DKK2: variants seen among roughly 807,000 people sequenced by gnomAD.
DKK2 encodes the protein dickkopf-related protein 2.
In DKK2, 11 loss-of-function variants were observed where a neutral mutation model predicts 28.1. The ratio of observed to expected loss-of-function variants is 0.39; its 90% CI spans 0.25 to 0.65. DKK2 has a LOEUF of 0.65. Among genes scored for constraint, DKK2 ranks in the 30% least tolerant of loss-of-function variants. The pLI is 0.47. For missense variants in DKK2, 326 were observed against 335.5 expected, an observed-to-expected ratio of 0.97 and a Z score of 0.22; for synonymous variants, 135 against 126.5, an observed-to-expected ratio of 1.07 and a Z score of -0.45.
In DKK2 at chr4:107,005,265, C is replaced by T. The variant is rs183057640; in HGVS notation, c.222+30105G>A. On this transcript the variant is annotated intron_variant, in intron 1 of 3. Coordinates refer to ENST00000285311, the MANE Select transcript of DKK2 (RefSeq NM_014421.3). ...CTGAGGCAGGAGCAAGGCGTGAACCCGGGAGGCGGAGCTTGCAGTGAGCCA... is the reference window on the plus strand; with the variant it reads ...CTGAGGCAGGAGCAAGGCGTGAACCTGGGAGGCGGAGCTTGCAGTGAGCCA... Among the ~76,000 whole-genome samples the T allele has an allele frequency of 2.3e-3, 319 of 141,406 alleles. 2 individuals are homozygous for T. The highest frequency in any genetic ancestry group is 8.0e-3 in the African/African-American group (309 of 38,574). 92.8% of individuals were successfully genotyped at this position (141,406 alleles called of 152,430 possible).
intron 1 of DKK2, among the ~76,000 whole-genome samples, chr4:106,992,212 A>G (rs1723215560): frequency 6.6e-6 from 1 of 152,188 alleles, no homozygotes; most frequent in African/African-American, 2.4e-5. Context: ...TAGATGAAAG[A>G]TGTTCATTAG....
Position 106,924,195 on chromosome 4 carries a change from C to T in DKK2, c.539G>A (p.Gly180Glu). 6.2e-7 allele frequency: 1 copy of T among 1,613,848 alleles called. No homozygotes were observed. ...TKMSHIKGHE[G>E]DPCLRSSDCI... The stretch of plus-strand genomic sequence containing the variant: ...GTCTGATGATCGTAGGCAGGGGTCT[C>T]CTTCATGCCCTGCAGAGATGATGAC... The change falls in exon 4 of 4, where the codon GGA becomes GAA. Residue 180 changes from glycine to glutamate, a missense_variant. Physicochemically the swap from Gly to Glu is moderately conservative, Grantham distance 98. Transcript: ENST00000285311.
At chr4:106,966,335 T>C (rs1349305427) in intron 1 of DKK2, among the ~76,000 whole-genome samples, 1 of 152,190 alleles carries the variant, frequency 6.6e-6, no homozygotes, top group African/African-American at 2.4e-5. Context: ...TTTTTTGCTT[T>C]GGAATCAGAC....
intron 1 of DKK2, among the ~76,000 whole-genome samples, chr4:107,033,246 T>A (rs1436105909): frequency 2.0e-5 from 3 of 152,156 alleles, no homozygotes; most frequent in Admixed American, 1.3e-4. Flanking sequence ...GGATTCCAGT[T>A]AAGTAAATAT....
intron 1 of DKK2, among the ~76,000 whole-genome samples, chr4:107,014,376 T>C (rs1168163570): frequency 6.6e-6 from 1 of 151,440 alleles, no homozygotes; most frequent in Non-Finnish European, 1.5e-5. Flanking sequence ...TTAAGTATAA[T>C]AAGCCATGAA....
intron 1 of DKK2, among the ~76,000 whole-genome samples, chr4:107,007,529 A>G (rs942063837): frequency 2.0e-5 from 3 of 152,204 alleles, no homozygotes; most frequent in African/African-American, 7.2e-5. Context: ...TTTGAAAAGA[A>G]AGCAAATATT....
At chr4:107,015,083 T>C (rs1723575332) in intron 1 of DKK2, among the ~76,000 whole-genome samples, 1 of 151,540 alleles carries the variant, frequency 6.6e-6, no homozygotes, top group Non-Finnish European at 1.5e-5. Flanking sequence ...TTTCTGTGGG[T>C]TATATTCTTA....
intron 1 of DKK2, among the ~76,000 whole-genome samples, chr4:106,997,055 A>G (rs1267565969): frequency 1.3e-5 from 2 of 152,300 alleles, no homozygotes; most frequent in Admixed American, 6.5e-5. Context: ...AGAGTTCTAT[A>G]ACTTAAAATA....
At chr4:106,981,817 A>G (rs1723029818) in intron 1 of DKK2, among the ~76,000 whole-genome samples, 1 of 151,956 alleles carries the variant, frequency 6.6e-6, no homozygotes, top group African/African-American at 2.4e-5. Flanking sequence ...TTTATTTATC[A>G]TTCACCCTAT....
At chr4:107,024,856 C>T (rs769412635) in intron 1 of DKK2, among the ~76,000 whole-genome samples, 1 of 152,192 alleles carries the variant, frequency 6.6e-6, no homozygotes, top group Non-Finnish European at 1.5e-5. Context: ...CTTTCAGGCT[C>T]ACCCGCTGTC....
chr4:107,018,899 C>T (rs1723651358), intron 1 of DKK2, among the ~76,000 whole-genome samples: 1 of 152,048 alleles, frequency 6.6e-6, no homozygotes, highest in Non-Finnish European at 1.5e-5. Flanking sequence ...TGCCAACTAT[C>T]TTTAAGTCCT....
At position 107,035,568 on chromosome 4, in the gene DKK2, CT is replaced by C; in HGVS notation, c.23del (p.Lys8ArgfsTer14). The C allele has an allele frequency of 6.2e-7, 1 of 1,614,176 alleles. No individual in the cohort carries two copies. On this transcript the variant is annotated frameshift_variant, in exon 1 of 4. Coordinates refer to ENST00000285311, the MANE Select transcript of DKK2 (RefSeq NM_014421.3). LOFTEE classifies it high-confidence loss of function. Reference sequence around the variant, plus strand: ...GTAGGAGCAGGCAGCAGGACGAATCCTTGCTCCGCATCAACGCGGCCATCTC... The same window carrying C: ...GTAGGAGCAGGCAGCAGGACGAATCCTGCTCCGCATCAACGCGGCCATCTC... The part of the protein sequence containing the change: MAALMRS[K>X]DSSCCLLLLA...
At chr4:107,034,284 T>C (rs1301754783) in intron 1 of DKK2, among the ~76,000 whole-genome samples, 1 of 151,966 alleles carries the variant, frequency 6.6e-6, no homozygotes, top group Non-Finnish European at 1.5e-5. Flanking sequence ...CTCGGATCTC[T>C]GGGGCGTGGG....
At chr4:106,952,183 T>C (rs1039093462) in intron 1 of DKK2, among the ~76,000 whole-genome samples, 4 of 152,164 alleles carry the variant, frequency 2.6e-5, no homozygotes, top group Admixed American at 2.0e-4. Flanking sequence ...AAGCTGTTCT[T>C]TCCTATAAAA....
chr4:106,989,671 T>G (rs1019956816), intron 1 of DKK2, among the ~76,000 whole-genome samples: 5 of 152,206 alleles, frequency 3.3e-5, no homozygotes, highest in Non-Finnish European at 5.9e-5. Context: ...GTTTCTTTTC[T>G]CTTTAAAAAT....
chr4:107,004,806 C>T lies in DKK2; in HGVS notation c.222+30564G>A, dbSNP rs1263680379. Among the ~76,000 whole-genome samples the T allele has an allele frequency of 5.9e-5, 9 of 152,106 alleles. No homozygotes were observed. In the East Asian group the frequency reaches 1.7e-3, roughly 29 times the overall value. ...ACAAGGGTCTTTAAAACTGGAGAAG[C>T]TTTCCAGGCTATAGTGAAAGAGATG... is the stretch of plus-strand genomic sequence containing the variant. On this transcript the variant is annotated intron_variant, in intron 1 of 3. Transcript: ENST00000285311.
chr4:106,966,490 A>C (rs1281291623), intron 1 of DKK2, among the ~76,000 whole-genome samples: 1 of 152,158 alleles, frequency 6.6e-6, no homozygotes, highest in African/African-American at 2.4e-5. Context: ...TGTATTTTTT[A>C]TTTAAATCTC....
intron 1 of DKK2, among the ~76,000 whole-genome samples, chr4:106,929,170 G>A (rs1052593020): frequency 2.0e-5 from 3 of 152,192 alleles, no homozygotes; most frequent in South Asian, 2.1e-4. Flanking sequence ...TCCCTTTAAC[G>A]AAATCAATAA....
At chr4:107,028,220 A>C (rs867055981) in intron 1 of DKK2, among the ~76,000 whole-genome samples, 6 of 152,174 alleles carry the variant, frequency 3.9e-5, no homozygotes, top group Admixed American at 1.3e-4. Flanking sequence ...GTGTATGTGC[A>C]TGTTTATTTT....
Sources: gnomAD v4.1 joint callset for allele counts (sites outside exome capture counted in the v4.1 genomes callset) on GRCh38, gnomAD v4.1.1 for gene constraint, MANE v1.5 for transcripts, NCBI Gene and HGNC (gene_info 2026-07-23, HGNC 2026-07-21) for gene names.